Variants in FBXO11 observed in about 807,000 individuals in gnomAD.
FBXO11 encodes the protein F-box only protein 11.
In FBXO11, 13 loss-of-function variants were observed where a neutral mutation model predicts 117.0. That is an observed-to-expected ratio of 0.11 (90% CI 0.07 to 0.18). The LOEUF (loss-of-function observed/expected upper bound fraction) is 0.18. FBXO11 is among the 10% of genes least tolerant of loss of function. The probability of loss-of-function intolerance (pLI) is 1.00; values close to 1 mark genes in which losing one functional copy is unlikely to be tolerated. For missense variants in FBXO11, 767 were observed against 1,164.4 expected (o/e 0.66, Z 4.97); for synonymous variants, 490 against 380.5 (o/e 1.29, Z -3.35).
At chr2:47,856,881 T>C (rs1269889542) in intron 1 of FBXO11, among the ~76,000 whole-genome samples, 2 of 152,248 alleles carry the variant, frequency 1.3e-5, no homozygotes, top group African/African-American at 4.8e-5. Flanking sequence ...AGTCTACAGA[T>C]ATTATCCAAG....
chr2:47,852,209 C>T (rs1461317664), intron 1 of FBXO11, among the ~76,000 whole-genome samples: 4 of 151,970 alleles, frequency 2.6e-5, no homozygotes, highest in African/African-American at 7.3e-5. Context: ...AGGGTGGTCT[C>T]GAACTCCTGA....
At chr2:47,876,036 C>T (rs1675979914) in intron 1 of FBXO11, among the ~76,000 whole-genome samples, 1 of 152,176 alleles carries the variant, frequency 6.6e-6, no homozygotes, top group Admixed American at 6.5e-5. Flanking sequence ...CCCAATTATA[C>T]ATAAGGAAAT....
At chr2:47,878,399 C>G (rs996308399) in intron 1 of FBXO11, among the ~76,000 whole-genome samples, 1 of 151,954 alleles carries the variant, frequency 6.6e-6, no homozygotes, top group African/African-American at 2.4e-5. Flanking sequence ...ACTCTGTCAC[C>G]CAGGCTGGAG....
In FBXO11 at chr2:47,905,964, A is replaced by C. The variant is rs1678784868; in HGVS notation, c.-244T>G. ...AGGGCCTGACGCACGGGGAAGGCCG[A>C]AGCCGCCGGGCGGGGCGGCCGCGAG... is the stretch of plus-strand genomic sequence containing the variant. On this transcript the variant is annotated 5_prime_UTR_variant, in exon 1 of 23. Coordinates refer to ENST00000403359, the MANE Select transcript of FBXO11 (RefSeq NM_001190274.2). The C allele has an allele frequency of 2.5e-5, 10 of 398,118 alleles. No homozygotes were observed. The South Asian group carries it at 4.1e-4, about 16-fold the overall frequency. The allele number at this position is 398,118 out of a possible 1,614,324, so 24.7% of individuals were successfully genotyped here. A position where few individuals can be genotyped will look rare whatever the true frequency, so the allele number is the denominator to read the frequency against.
At chr2:47,888,887 G>A (rs1677060422) in intron 1 of FBXO11, among the ~76,000 whole-genome samples, 1 of 152,120 alleles carries the variant, frequency 6.6e-6, no homozygotes, top group African/African-American at 2.4e-5. Context: ...TTAAAAACAG[G>A]TTATTCAAAG....
intron 11 of FBXO11, among the ~76,000 whole-genome samples, chr2:47,831,341 G>A (rs1450193755): frequency 6.6e-6 from 1 of 150,670 alleles, no homozygotes; most frequent in African/African-American, 2.4e-5. Context: ...GCTTGAACCA[G>A]GAGGTGGAGG....
At chr2:47,890,451 T>C (rs891000131) in intron 1 of FBXO11, among the ~76,000 whole-genome samples, 1 of 152,186 alleles carries the variant, frequency 6.6e-6, no homozygotes, top group African/African-American at 2.4e-5. Flanking sequence ...AAATTTAAAA[T>C]GCCCTACATG....
intron 11 of FBXO11, among the ~76,000 whole-genome samples, chr2:47,828,210 G>A (rs980906249): frequency 6.6e-6 from 1 of 152,052 alleles, no homozygotes; most frequent in African/African-American, 2.4e-5. Context: ...TGAACTCCTG[G>A]GTTCATGCAG....
intron 1 of FBXO11, among the ~76,000 whole-genome samples, chr2:47,877,686 C>T (rs1034540603): frequency 5.9e-5 from 9 of 151,954 alleles, no homozygotes; most frequent in South Asian, 4.1e-4. Context: ...TTTTTCGTTT[C>T]GTTTTGTTTT....
intron 1 of FBXO11, among the ~76,000 whole-genome samples, chr2:47,892,812 C>T (rs565782484): frequency 4.7e-4 from 71 of 152,042 alleles, no homozygotes; most frequent in African/African-American, 1.6e-3. Context: ...ACCACAAAAG[C>T]AAGATTAATA....
At chr2:47,816,904 T>C (rs1394008316) in intron 16 of FBXO11, among the ~76,000 whole-genome samples, 1 of 152,122 alleles carries the variant, frequency 6.6e-6, no homozygotes, top group African/African-American at 2.4e-5. Flanking sequence ...TTAAGGGCCC[T>C]AGGGTTTTCA....
At chr2:47,818,636 T>A (rs960816027) in intron 16 of FBXO11, 143 bp downstream of exon 16, 5 of 643,548 alleles carry the variant, frequency 7.8e-6, no homozygotes, top group Non-Finnish European at 1.3e-5. Context: ...TCTGACAATT[T>A]AAGTCAAGAT....
At chr2:47,904,618 ACAC>A (rs1678602055) in intron 1 of FBXO11, among the ~76,000 whole-genome samples, 9 of 122,758 alleles carry the variant, frequency 7.3e-5, no homozygotes, top group East Asian at 2.2e-4. Context: ...ACACACACAC[ACAC>A]AAAATATCCC....
chr2:47,851,403 G>A (rs1459856373), intron 1 of FBXO11, among the ~76,000 whole-genome samples: 6 of 151,876 alleles, frequency 4.0e-5, no homozygotes. Flanking sequence ...GCTAATTTTT[G>A]TATTTAGTAG....
At chr2:47,904,434 G>A (rs931116101) in intron 1 of FBXO11, among the ~76,000 whole-genome samples, 7 of 152,182 alleles carry the variant, frequency 4.6e-5, no homozygotes, top group Non-Finnish European at 2.9e-5. Flanking sequence ...AAGTAGAACT[G>A]AACATTATTT....
At chr2:47,830,378 T>C (rs1244176688) in intron 11 of FBXO11, among the ~76,000 whole-genome samples, 1 of 151,456 alleles carries the variant, frequency 6.6e-6, no homozygotes, top group Non-Finnish European at 1.5e-5. Context: ...AGGCGTTCTT[T>C]AAAAAAAACA....
chr2:47,862,726 T>C (rs901492081), intron 1 of FBXO11, among the ~76,000 whole-genome samples: 1 of 152,106 alleles, frequency 6.6e-6, no homozygotes, highest in Non-Finnish European at 1.5e-5. Context: ...ATAACAAATC[T>C]AAGAACAATT....
At position 47,834,839 on chromosome 2, in the gene FBXO11, A is replaced by G. The variant is rs1337621874; in HGVS notation, c.750T>C (p.Ala250=). 1 of 1,613,666 alleles carries G rather than the reference A, an allele frequency of 6.2e-7. No homozygotes were observed. Among genetic ancestry groups the G allele is most frequent in the Non-Finnish European group, 8.5e-7 (1 of 1,179,832 alleles). Residue 250 remains alanine (A), a synonymous_variant, in exon 6 of 23, where the codon GCT becomes GCC. Transcript: ENST00000403359. ...YKGAHVKPGF[A]EHFYSNPARY... ...TTGCAGGGTTACTGTAGAAATGTTCAGCAAATCCTGGCTTTACATGTGCAC... is the reference window on the plus strand; with the variant it reads ...TTGCAGGGTTACTGTAGAAATGTTCGGCAAATCCTGGCTTTACATGTGCAC...
intron 11 of FBXO11, among the ~76,000 whole-genome samples, chr2:47,830,009 G>A (rs1183346503): frequency 2.0e-5 from 3 of 151,914 alleles, no homozygotes; most frequent in African/African-American, 7.3e-5. Flanking sequence ...ACAAAACCAC[G>A]GAGACATGGT....
Sources: allele counts gnomAD v4.1 joint callset (sites outside exome capture counted in the v4.1 genomes callset), GRCh38; gene constraint gnomAD v4.1.1; transcripts MANE v1.5; gene names NCBI Gene and HGNC (gene_info 2026-07-23, HGNC 2026-07-21).